Variants in SNTG1 observed in about 807,000 individuals in gnomAD.
The protein encoded by SNTG1 is gamma-1-syntrophin.
In SNTG1, 39 loss-of-function variants were observed where a neutral mutation model predicts 74.7. The observed-to-expected ratio is 0.52, with a 90% CI of 0.40 to 0.68. The LOEUF is 0.68. Ranked by LOEUF, SNTG1 falls within the 30% of genes least tolerant of loss-of-function variation. The pLI, the probability that SNTG1 is intolerant of heterozygous loss-of-function variation, is 0.00. For missense variants in SNTG1, 685 were observed against 609.5 expected, an observed-to-expected ratio of 1.12 and a Z score of -1.30; for synonymous variants, 254 against 217.1, an observed-to-expected ratio of 1.17 and a Z score of -1.49.
chr8:50,781,681 A>C (rs948532162), intron 18 of SNTG1, among the ~76,000 whole-genome samples: 9 of 152,142 alleles, frequency 5.9e-5, no homozygotes, highest in Non-Finnish European at 1.0e-4. Context: ...GTGTCTTTTA[A>C]TTGGAGCATT....
intron 15 of SNTG1, among the ~76,000 whole-genome samples, chr8:50,691,306 T>G (rs7829291): frequency 0.58 from 88,399 of 151,936 alleles, 28,075 homozygotes; most frequent in Non-Finnish European, 0.7. Context: ...GTTAGCTGGT[T>G]ATTTTGCTCG....
intron 1 of SNTG1, among the ~76,000 whole-genome samples, chr8:50,037,766 G>A (rs1818284591): frequency 6.6e-6 from 1 of 152,098 alleles, no homozygotes; most frequent in Admixed American, 6.6e-5. Flanking sequence ...TGAATAAAAT[G>A]GGTAAATTTA....
At chr8:49,950,230 G>C (rs914779798) in intron 1 of SNTG1, among the ~76,000 whole-genome samples, 1 of 152,164 alleles carries the variant, frequency 6.6e-6, no homozygotes, top group Non-Finnish European at 1.5e-5. Context: ...TCTTCTCTGA[G>C]TAAATTTTAA....
intron 17 of SNTG1, among the ~76,000 whole-genome samples, chr8:50,718,758 A>T (rs2095480732): frequency 2.0e-5 from 3 of 152,224 alleles, no homozygotes; most frequent in Non-Finnish European, 2.9e-5. Flanking sequence ...AAAGTTCATA[A>T]TTAAATTCCA....
chr8:50,531,716 C>G (rs963280155), intron 10 of SNTG1, among the ~76,000 whole-genome samples: 2 of 152,118 alleles, frequency 1.3e-5, no homozygotes, highest in African/African-American at 4.8e-5. Context: ...AGAGGTTGTT[C>G]CTGAGAGTGC....
chr8:50,737,645 G>C (rs2095532274), intron 17 of SNTG1, among the ~76,000 whole-genome samples: 1 of 151,938 alleles, frequency 6.6e-6, no homozygotes, highest in African/African-American at 2.4e-5. Flanking sequence ...ATGAATATCA[G>C]TGAGAAAATC....
At chr8:50,537,540 G>A (rs147260563) in intron 11 of SNTG1, among the ~76,000 whole-genome samples, 6 of 151,984 alleles carry the variant, frequency 3.9e-5, no homozygotes, top group African/African-American at 1.5e-4. Flanking sequence ...TTGCTAAGGA[G>A]TTGTACATTT....
chr8:50,266,934 C>G (rs1459021726), intron 2 of SNTG1, among the ~76,000 whole-genome samples: 1 of 151,818 alleles, frequency 6.6e-6, no homozygotes, highest in Admixed American at 6.6e-5. Flanking sequence ...TGTGTAGGAA[C>G]GTTAACAAGA....
At chr8:50,338,686 A>T (rs992009120) in intron 2 of SNTG1, among the ~76,000 whole-genome samples, 1 of 152,166 alleles carries the variant, frequency 6.6e-6, no homozygotes, top group Non-Finnish European at 1.5e-5. Flanking sequence ...CTAAGGAAAA[A>T]AATAGTGAGC....
At chr8:50,673,688 C>T (rs929995431) in intron 15 of SNTG1, among the ~76,000 whole-genome samples, 1 of 152,182 alleles carries the variant, frequency 6.6e-6, no homozygotes, top group East Asian at 1.9e-4. Context: ...TGCCTGATTG[C>T]CCTGGCCAGA....
chr8:50,564,827 A>C (rs998530436), intron 12 of SNTG1, among the ~76,000 whole-genome samples: 1 of 152,074 alleles, frequency 6.6e-6, no homozygotes, highest in East Asian at 1.9e-4. Context: ...GGATGTTACA[A>C]TCTCCAATAA....
chr8:50,642,159 A>G lies in SNTG1; in HGVS notation c.850-14750A>G, dbSNP rs144212855. Among the ~76,000 whole-genome samples the G allele has an allele frequency of 2.0e-5, 3 of 152,252 alleles. No homozygotes were observed. In the East Asian group the frequency reaches 5.8e-4, roughly 29 times the overall value. On this transcript the variant is annotated intron_variant, in intron 13 of 18. Coordinates refer to ENST00000642720, the MANE Select transcript of SNTG1 (RefSeq NM_018967.5). ...TGATTGCAAAGATCGAAAACTTTCTATCACTCTTAACTTCCATTTTTATTT... is the reference window on the plus strand; with the variant it reads ...TGATTGCAAAGATCGAAAACTTTCTGTCACTCTTAACTTCCATTTTTATTT...
chr8:50,086,447 G>C (rs908298037), intron 1 of SNTG1, among the ~76,000 whole-genome samples: 1 of 152,134 alleles, frequency 6.6e-6, no homozygotes, highest in Non-Finnish European at 1.5e-5. Context: ...TGTAGAAAAA[G>C]GGTCAATATG....
At chr8:50,328,479 T>C (rs2090839525) in intron 2 of SNTG1, among the ~76,000 whole-genome samples, 1 of 152,112 alleles carries the variant, frequency 6.6e-6, no homozygotes, top group Non-Finnish European at 1.5e-5. Context: ...AAACTTACAA[T>C]GGTGGAAGGG....
intron 1 of SNTG1, among the ~76,000 whole-genome samples, chr8:50,039,143 T>C (rs1818406444): frequency 6.6e-6 from 1 of 152,164 alleles, no homozygotes; most frequent in Non-Finnish European, 1.5e-5. Flanking sequence ...TTGTATCTGA[T>C]AAGTAACTTG....
At chr8:50,489,545 A>T (rs924784984) in intron 8 of SNTG1, among the ~76,000 whole-genome samples, 2 of 152,074 alleles carry the variant, frequency 1.3e-5, no homozygotes, top group African/African-American at 4.8e-5. Flanking sequence ...AGCTTTTCTC[A>T]TATGTTTGTT....
At chr8:50,462,842 A>C (rs2093578325) in intron 8 of SNTG1, among the ~76,000 whole-genome samples, 1 of 79,670 alleles carries the variant, frequency 1.3e-5, no homozygotes, top group Non-Finnish European at 2.2e-5. Flanking sequence ...TTTTGAGACG[A>C]AGTCTCATTG....
At chr8:50,126,079 G>C (rs1243443914) in intron 1 of SNTG1, among the ~76,000 whole-genome samples, 1 of 152,012 alleles carries the variant, frequency 6.6e-6, no homozygotes, top group Non-Finnish European at 1.5e-5. Context: ...ACCCTTCTTG[G>C]GTCATCACAC....
At chr8:50,393,903 AG>A (rs1378447990) in intron 2 of SNTG1, among the ~76,000 whole-genome samples, 2 of 151,996 alleles carry the variant, frequency 1.3e-5, no homozygotes, top group Non-Finnish European at 2.9e-5. Context: ...GGAATGAGCG[AG>A]AAGAGGTTGA....
Sources: allele counts gnomAD v4.1 joint callset (sites outside exome capture counted in the v4.1 genomes callset), GRCh38; gene constraint gnomAD v4.1.1; transcripts MANE v1.5; gene names NCBI Gene and HGNC (gene_info 2026-07-23, HGNC 2026-07-21).